CSMD1: variants seen among roughly 807,000 people sequenced by gnomAD.
The protein encoded by CSMD1 is CUB and sushi domain-containing protein 1.
A neutral mutation model predicts 417.5 loss-of-function variants in CSMD1; 213 were observed. The observed-to-expected ratio is 0.51, with a 90% confidence interval of 0.46 to 0.57. The LOEUF (loss-of-function observed/expected upper bound fraction) is 0.57. Ranked by LOEUF, CSMD1 falls within the 20% of genes least tolerant of loss-of-function variation. The pLI is 0.00. For synonymous variants in CSMD1, 2,862 were observed against 1,736.8 expected (o/e 1.65, Z -16.11); for missense variants, 6,923 against 4,529.7 (o/e 1.53, Z -15.17).
At chr8:3,248,338 A>G (rs1359959545) in intron 26 of CSMD1, among the ~76,000 whole-genome samples, 12 of 152,130 alleles carry the variant, frequency 7.9e-5, no homozygotes, top group Admixed American at 7.9e-4. Context: ...AACAGCACCC[A>G]TGTTTACTCT....
intron 3 of CSMD1, among the ~76,000 whole-genome samples, chr8:4,361,223 C>G (rs972604106): frequency 1.3e-5 from 2 of 151,884 alleles, no homozygotes; most frequent in Non-Finnish European, 2.9e-5. Flanking sequence ...AGTGGAATAC[C>G]TAAGTTACTC....
intron 1 of CSMD1, among the ~76,000 whole-genome samples, chr8:4,993,724 G>T (rs375950333): frequency 6.6e-6 from 1 of 152,344 alleles, no homozygotes; most frequent in South Asian, 2.1e-4. Flanking sequence ...AAGTCCGGGG[G>T]AGAGGAAAGC....
In CSMD1 at chr8:3,216,246, T is replaced by C. The variant is rs116203183; in HGVS notation, c.4673-1555A>G. 4.3e-3 allele frequency among the ~76,000 whole-genome samples: 655 copies of C among 152,148 alleles called. 8 individuals carry two copies. Among genetic ancestry groups the C allele is most frequent in the African/African-American group, 0.015 (611 of 41,540 alleles). ...TAACTGCATTAAATCCCATATAGAATATAGAACATTATTTTAAGCAAATAC... is the reference window on the plus strand; with the variant it reads ...TAACTGCATTAAATCCCATATAGAACATAGAACATTATTTTAAGCAAATAC... On this transcript the variant is annotated intron_variant, in intron 29 of 69. Transcript: ENST00000635120.
chr8:4,896,966 C>G (rs1473174860), intron 1 of CSMD1, among the ~76,000 whole-genome samples: 1 of 152,098 alleles, frequency 6.6e-6, no homozygotes, highest in South Asian at 2.1e-4. Flanking sequence ...TCTCCATTTA[C>G]ATTTCTTTCA....
chr8:3,927,693 A>G (rs1809842371), intron 5 of CSMD1, among the ~76,000 whole-genome samples: 1 of 152,140 alleles, frequency 6.6e-6, no homozygotes, highest in African/African-American at 2.4e-5. Flanking sequence ...AAGAAAAGAA[A>G]ACAATTAATA....
intron 5 of CSMD1, among the ~76,000 whole-genome samples, chr8:3,864,360 A>AC (rs1804934544): frequency 6.6e-6 from 1 of 151,934 alleles, no homozygotes; most frequent in African/African-American, 2.4e-5. Flanking sequence ...TAACCACAGA[A>AC]GGGGCAGGTA....
chr8:3,209,155 G>A (rs1364594706), intron 30 of CSMD1, among the ~76,000 whole-genome samples: 2 of 152,092 alleles, frequency 1.3e-5, no homozygotes, highest in Admixed American at 1.3e-4. Context: ...TTACTACCTT[G>A]ATAAATAGTG....
chr8:3,721,737 G>C (rs1343723403), intron 6 of CSMD1, among the ~76,000 whole-genome samples: 1 of 152,062 alleles, frequency 6.6e-6, no homozygotes, highest in South Asian at 2.1e-4. Context: ...AAAAATAAAG[G>C]AACAGAATTC....
In CSMD1 at chr8:3,665,485, C is replaced by G. The variant is rs867173371; in HGVS notation, c.1009+42929G>C. ...CGGAGGTTGCAGTGAGCCAAGATCA[C>G]GCCACTGCACTCCAGCCTGGGCGAC... On this transcript the variant is annotated intron_variant, in intron 7 of 69. Transcript: ENST00000635120. Among the ~76,000 whole-genome samples, 6 of 152,198 alleles carry G rather than the reference C, an allele frequency of 3.9e-5. No individual in the cohort carries two copies. In the Middle Eastern group the frequency reaches 0.01, roughly 259 times the overall value.
At chr8:4,021,687 T>A (rs1380229334) in intron 4 of CSMD1, among the ~76,000 whole-genome samples, 3 of 152,202 alleles carry the variant, frequency 2.0e-5, no homozygotes, top group Admixed American at 6.6e-5. Flanking sequence ...CGAAACTTGT[T>A]CGGAGTGACT....
intron 2 of CSMD1, among the ~76,000 whole-genome samples, chr8:4,603,396 G>A (rs950778478): frequency 6.6e-6 from 1 of 151,870 alleles, no homozygotes; most frequent in African/African-American, 2.4e-5. Flanking sequence ...TTAAAAATGT[G>A]GTGAACCTCC....
chr8:4,377,288 G>C (rs1802812823), intron 3 of CSMD1, among the ~76,000 whole-genome samples: 2 of 152,174 alleles, frequency 1.3e-5, no homozygotes, highest in South Asian at 2.1e-4. Context: ...GAGAGCAAAA[G>C]GGAGGAGGAG....
intron 26 of CSMD1, among the ~76,000 whole-genome samples, chr8:3,265,303 C>A (rs1049753436): frequency 4.6e-5 from 7 of 152,140 alleles, no homozygotes; most frequent in Non-Finnish European, 2.9e-5. Flanking sequence ...AAATGGTAAA[C>A]GCAGAAATCA....
At chr8:4,933,874 G>C (rs145093682) in intron 1 of CSMD1, among the ~76,000 whole-genome samples, 2 of 152,292 alleles carry the variant, frequency 1.3e-5, no homozygotes, top group African/African-American at 4.8e-5. Context: ...CATTGAGGCA[G>C]AGAAGCATCA....
intron 10 of CSMD1, among the ~76,000 whole-genome samples, chr8:3,556,662 A>C (rs1178664120): frequency 1.3e-5 from 2 of 151,842 alleles, no homozygotes; most frequent in Admixed American, 1.3e-4. Flanking sequence ...TAACGAGGAT[A>C]ATGGTAATTG....
intron 12 of CSMD1, among the ~76,000 whole-genome samples, chr8:3,461,700 G>A (rs1475891422): frequency 6.6e-6 from 1 of 152,184 alleles, no homozygotes; most frequent in East Asian, 1.9e-4. Context: ...ATCCTTGCAG[G>A]AGGACTGGCC....
intron 51 of CSMD1, among the ~76,000 whole-genome samples, chr8:3,027,339 C>A (rs1315894144): frequency 6.6e-6 from 1 of 152,070 alleles, no homozygotes; most frequent in Non-Finnish European, 1.5e-5. Flanking sequence ...TTTTGGAGAA[C>A]AATGTGTTTG....
chr8:3,416,179 TA>T (rs33991679), intron 12 of CSMD1, among the ~76,000 whole-genome samples: 133,802 of 151,074 alleles, frequency 0.89, 59,474 homozygotes, highest in Middle Eastern at 0.95. Flanking sequence ...GGGGCGCCTG[TA>T]ATTCCCAGCT....
chr8:3,457,668 C>G (rs1223404857), intron 12 of CSMD1, among the ~76,000 whole-genome samples: 1 of 152,136 alleles, frequency 6.6e-6, no homozygotes, highest in Non-Finnish European at 1.5e-5. Flanking sequence ...CAACACAATT[C>G]AGAAATTTTA....
Sources: allele counts gnomAD v4.1 joint callset (sites outside exome capture counted in the v4.1 genomes callset), GRCh38; gene constraint gnomAD v4.1.1; transcripts MANE v1.5; gene names NCBI Gene and HGNC (gene_info 2026-07-23, HGNC 2026-07-21).